ASXL3: variants seen among roughly 807,000 people sequenced by gnomAD.
The protein encoded by ASXL3 is ASXL transcriptional regulator 3.
In ASXL3, 34 loss-of-function variants were observed where a neutral mutation model predicts 170.6. The ratio of observed to expected loss-of-function variants is 0.20; its 90% CI spans 0.15 to 0.27. The LOEUF (loss-of-function observed/expected upper bound fraction) is 0.27. ASXL3 is among the 10% of genes least tolerant of loss of function. The pLI, the probability that ASXL3 is intolerant of heterozygous loss-of-function variation, is 1.00. For synonymous variants in ASXL3, 1,002 were observed against 989.1 expected, an observed-to-expected ratio of 1.01 and a Z score of -0.24; for missense variants, 2,592 against 2,695.3, an observed-to-expected ratio of 0.96 and a Z score of 0.85.
intron 7 of ASXL3, among the ~76,000 whole-genome samples, chr18:33,674,941 A>T (rs996942761): frequency 6.6e-6 from 1 of 152,088 alleles, no homozygotes; most frequent in Non-Finnish European, 1.5e-5. Context: ...TTAGACAATG[A>T]TGTTTTTAAT....
chr18:33,597,953 A>G (rs527935590), intron 1 of ASXL3, among the ~76,000 whole-genome samples: 1 of 152,252 alleles, frequency 6.6e-6, no homozygotes, highest in African/African-American at 2.4e-5. Context: ...GCTCTTATTA[A>G]CACTAGCATC....
At chr18:33,674,715 T>C (rs1344150190) in intron 7 of ASXL3, among the ~76,000 whole-genome samples, 1 of 151,240 alleles carries the variant, frequency 6.6e-6, no homozygotes, top group Non-Finnish European at 1.5e-5. Flanking sequence ...GCCTCTCGGG[T>C]TCACCCCATT....
rs141627396 is a variant in ASXL3, at chr18:33,630,274, G to C, written c.138-14620G>C. 7.9e-3 allele frequency among the ~76,000 whole-genome samples: 1,202 copies of C among 151,824 alleles called. 10 individuals are homozygous for C. The highest frequency in any genetic ancestry group is 0.011 in the Non-Finnish European group (752 of 67,806). ...TGAAATTCGTCCTTTTGTAAAGTTT[G>C]TTTTTACTTCATAATTCTATCTGCA... On this transcript the variant is annotated intron_variant, in intron 2 of 11. Transcript: ENST00000269197.
At chr18:33,657,514 C>T (rs1001316209) in intron 4 of ASXL3, among the ~76,000 whole-genome samples, 6 of 152,102 alleles carry the variant, frequency 3.9e-5, no homozygotes, top group African/African-American at 1.4e-4. Flanking sequence ...CATATCCCCT[C>T]CCTAGCATGC....
chr18:33,724,932 C>CCTAT (rs1286015615), intron 8 of ASXL3, among the ~76,000 whole-genome samples: 1 of 152,004 alleles, frequency 6.6e-6, no homozygotes, highest in African/African-American at 2.4e-5. Context: ...CATTTTTATG[C>CCTAT]CTATCTTTAT....
chr18:33,646,272 G>A lies in ASXL3; in HGVS notation c.274G>A (p.Gly92Ser), dbSNP rs1384521747. 2.5e-6 allele frequency: 4 copies of A among 1,611,402 alleles called. No homozygotes were observed. The highest frequency in any genetic ancestry group is 3.4e-6 in the Non-Finnish European group (4 of 1,178,188). The part of the protein sequence containing the change: ...KKEESSCPAD[G>S]TLDLVCESEL... Reference sequence around the variant, plus strand: ...AGAGGAGTCGTCATGCCCAGCAGATGGCACGTTGGATTTAGTCTGTGAATC... The same window carrying A: ...AGAGGAGTCGTCATGCCCAGCAGATAGCACGTTGGATTTAGTCTGTGAATC... The change falls in exon 4 of 12, where the codon GGC becomes AGC. Residue 92 changes from glycine to serine, a missense_variant. Gly to Ser is a moderately conservative substitution (Grantham distance 56, BLOSUM62 0). Coordinates refer to ENST00000269197, the MANE Select transcript of ASXL3 (RefSeq NM_030632.3).
chr18:33,671,655 G>A (rs1307991286), intron 6 of ASXL3, 92 bp from the exon 7 acceptor site: 1 of 1,156,124 alleles, frequency 8.6e-7, no homozygotes, highest in Non-Finnish European at 1.2e-6. Flanking sequence ...TAGAAAAGGA[G>A]ATTATATCTA....
intron 8 of ASXL3, among the ~76,000 whole-genome samples, chr18:33,731,387 C>T (rs531760680): frequency 1.3e-5 from 2 of 152,148 alleles, no homozygotes; most frequent in South Asian, 2.1e-4. Flanking sequence ...TTCATAAATG[C>T]CCCAGTTACT....
At chr18:33,709,763 A>G (rs566588591) in intron 8 of ASXL3, among the ~76,000 whole-genome samples, 1 of 152,272 alleles carries the variant, frequency 6.6e-6, no homozygotes, top group South Asian at 2.1e-4. Flanking sequence ...TTCAAGGAAA[A>G]TATGTCACAT....
At chr18:33,608,973 CTT>C (rs78749782) in intron 2 of ASXL3, 527 of 780,904 alleles carry the variant, frequency 6.7e-4, no homozygotes, top group Middle Eastern at 2.0e-3. Flanking sequence ...ATTTTGGAGA[CTT>C]TTTTTTTTTG....
intron 2 of ASXL3, among the ~76,000 whole-genome samples, chr18:33,613,465 A>G (rs1391982016): frequency 6.6e-6 from 1 of 152,092 alleles, no homozygotes; most frequent in Non-Finnish European, 1.5e-5. Context: ...GATATTGCAG[A>G]TTTGATTCCA....
At chr18:33,642,240 T>A (rs574549610) in intron 2 of ASXL3, among the ~76,000 whole-genome samples, 2 of 152,012 alleles carry the variant, frequency 1.3e-5, no homozygotes, top group Non-Finnish European at 2.9e-5. Flanking sequence ...CTAAGTTTTC[T>A]GTAGTTTATG....
intron 8 of ASXL3, among the ~76,000 whole-genome samples, chr18:33,729,347 C>T (rs1242262841): frequency 1.3e-5 from 2 of 152,178 alleles, no homozygotes; most frequent in African/African-American, 4.8e-5. Context: ...CAGAGACAAA[C>T]TCTGCATCTC....
At chr18:33,629,471 C>A (rs960703431) in intron 2 of ASXL3, among the ~76,000 whole-genome samples, 1 of 152,052 alleles carries the variant, frequency 6.6e-6, no homozygotes, top group Non-Finnish European at 1.5e-5. Flanking sequence ...CCTTTTGTTA[C>A]GTAAACCTAG....
At chr18:33,715,033 C>T (rs1163043901) in intron 8 of ASXL3, among the ~76,000 whole-genome samples, 1 of 152,066 alleles carries the variant, frequency 6.6e-6, no homozygotes, top group Admixed American at 6.5e-5. Context: ...TGGTAGAAGG[C>T]CCTGCTCCTC....
intron 10 of ASXL3, among the ~76,000 whole-genome samples, chr18:33,736,248 C>T (rs2067544709): frequency 6.6e-6 from 1 of 152,056 alleles, no homozygotes; most frequent in African/African-American, 2.4e-5. Context: ...ATCTAGGGCC[C>T]CTTCCCTAGA....
intron 2 of ASXL3, among the ~76,000 whole-genome samples, chr18:33,630,586 T>G: frequency 6.6e-6 from 1 of 151,652 alleles, no homozygotes; most frequent in African/African-American, 2.4e-5. Flanking sequence ...AGTGGTTAAG[T>G]TAGTTATTTT....
intron 8 of ASXL3, among the ~76,000 whole-genome samples, chr18:33,687,577 G>T (rs760919960): frequency 2.6e-5 from 4 of 152,078 alleles, no homozygotes; most frequent in African/African-American, 4.8e-5. Flanking sequence ...CAAATGAAAC[G>T]GGTTCATTCC....
chr18:33,710,996 G>A (rs541638613), intron 8 of ASXL3, among the ~76,000 whole-genome samples: 1 of 152,100 alleles, frequency 6.6e-6, no homozygotes, highest in Admixed American at 6.6e-5. Flanking sequence ...TTTCTCTAAG[G>A]TTGATTTTAA....
Sources: allele counts gnomAD v4.1 joint callset (sites outside exome capture counted in the v4.1 genomes callset), GRCh38; gene constraint gnomAD v4.1.1; transcripts MANE v1.5; gene names NCBI Gene and HGNC (gene_info 2026-07-23, HGNC 2026-07-21).